The following XPNPEP1 variants were observed in gnomAD, a reference collection of about 807,000 sequenced individuals.
XPNPEP1 encodes xaa-Pro aminopeptidase 1.
In XPNPEP1, 39 loss-of-function variants were observed where a neutral mutation model predicts 92.4. The ratio of observed to expected loss-of-function variants is 0.42; its 90% CI spans 0.33 to 0.55. XPNPEP1 has a LOEUF of 0.55. Among genes scored for constraint, XPNPEP1 ranks in the 20% least tolerant of loss-of-function variants. The pLI is 0.08. For synonymous variants in XPNPEP1, 307 were observed against 299.4 expected, an observed-to-expected ratio of 1.03 and a Z score of -0.26; for missense variants, 654 against 856.1, an observed-to-expected ratio of 0.76 and a Z score of 2.95.
intron 3 of XPNPEP1, among the ~76,000 whole-genome samples, chr10:109,895,400 C>A (rs1848933970): frequency 6.6e-6 from 1 of 152,254 alleles, no homozygotes; most frequent in South Asian, 2.1e-4. Flanking sequence ...ACTTCTCCAT[C>A]AGCAAAGGCA....
At position 109,882,474 on chromosome 10, in the gene XPNPEP1, G is replaced by A. The variant is rs1848154997; in HGVS notation, c.999C>T (p.Val333=). Residue 333 remains valine (V), a synonymous_variant, in exon 10 of 21, where the codon GTC becomes GTT. Coordinates refer to ENST00000502935, the MANE Select transcript of XPNPEP1 (RefSeq NM_020383.4). ...TCACAGCATAGCTGGCCTTGTCACT[G>A]ACCCACACCTTCTCCCTTGGGGAGA... ...ADLSPREKVW[V]SDKASYAVSE... is the part of the protein sequence containing the mutation. 1 of 1,614,164 alleles carries A rather than the reference G, an allele frequency of 6.2e-7. No individual in the cohort carries two copies. The highest frequency in any genetic ancestry group is 8.5e-7 in the Non-Finnish European group (1 of 1,180,004).
At chr10:109,876,304 A>T (rs1280801317) in intron 14 of XPNPEP1, 1 of 152,252 alleles carries the variant, frequency 6.6e-6, no homozygotes, top group Admixed American at 6.5e-5. Context: ...CTGCAGCTGA[A>T]GTGAGGTTGT....
chr10:109,890,545 T>A (rs1403710912), intron 5 of XPNPEP1, among the ~76,000 whole-genome samples: 1 of 148,534 alleles, frequency 6.7e-6, no homozygotes, highest in African/African-American at 2.5e-5. Context: ...TTCAAATGCC[T>A]GCCTTTGTGT....
In XPNPEP1 at chr10:109,875,605, A is replaced by G; in HGVS notation, c.1320-6T>C. On this transcript the variant is annotated splice_polypyrimidine_tract_variant and splice_region_variant and intron_variant, in intron 14 of 20. Coordinates refer to ENST00000502935, the MANE Select transcript of XPNPEP1 (RefSeq NM_020383.4). ...TATTCGTCTCAGGGACTGGCCTAAC[A>G]AAGTTAATTAAAAATTAATTATTCC... is the stretch of plus-strand genomic sequence containing the variant. 1 of 1,613,322 alleles carries G rather than the reference A, an allele frequency of 6.2e-7. No homozygotes were observed. Among genetic ancestry groups the G allele is most frequent in the Non-Finnish European group, 8.5e-7 (1 of 1,179,424 alleles).
chr10:109,869,571 C>T (rs375145757), intron 19 of XPNPEP1, among the ~76,000 whole-genome samples: 12 of 152,278 alleles, frequency 7.9e-5, no homozygotes, highest in Admixed American at 5.9e-4. Flanking sequence ...TGGAAATTAG[C>T]GCCTTGAATA....
intron 16 of XPNPEP1, 87 bp from the exon 17 acceptor site, chr10:109,871,948 C>A: frequency 7.4e-7 from 1 of 1,359,358 alleles, no homozygotes. Flanking sequence ...ATCCTGCCTG[C>A]TAAAGTTTTT....
At chr10:109,883,848 T>G in intron 9 of XPNPEP1, 1 of 483,626 alleles carries the variant, frequency 2.1e-6, no homozygotes. Flanking sequence ...TATAGACACT[T>G]TCATGCGTTT....
chr10:109,877,727 C>T, intron 14 of XPNPEP1, 63 bp downstream of exon 14: 1 of 1,595,728 alleles, frequency 6.3e-7, no homozygotes. Flanking sequence ...AATGTCTCTC[C>T]CCTGCTCAGG....
intron 2 of XPNPEP1, among the ~76,000 whole-genome samples, chr10:109,908,723 A>T (rs1849691574): frequency 6.6e-6 from 1 of 152,266 alleles, no homozygotes; most frequent in Admixed American, 6.5e-5. Context: ...CCAAGTGTTA[A>T]GAGTGGTTAC....
intron 18 of XPNPEP1, 77 bp from the exon 19 acceptor site, chr10:109,870,106 G>A: frequency 2.0e-6 from 3 of 1,486,422 alleles, no homozygotes; most frequent in Non-Finnish European, 2.8e-6. Flanking sequence ...TCACTCCTTG[G>A]ATGACTGCCC....
intron 15 of XPNPEP1, 125 bp from the exon 16 acceptor site, chr10:109,873,552 C>T (rs1847607398): frequency 8.9e-7 from 1 of 1,118,504 alleles, no homozygotes; most frequent in Admixed American, 2.0e-5. Context: ...AATAGCACAG[C>T]CATCTTTGCA....
intron 8 of XPNPEP1, among the ~76,000 whole-genome samples, chr10:109,885,942 C>T (rs1848363702): frequency 6.6e-6 from 1 of 152,182 alleles, no homozygotes; most frequent in African/African-American, 2.4e-5. Context: ...CCTACAGAGG[C>T]TGACAGACAT....
intron 5 of XPNPEP1, among the ~76,000 whole-genome samples, chr10:109,890,593 TGAGAGAGAGAGAGA>T (rs34618002): frequency 1.9e-5 from 2 of 104,064 alleles, no homozygotes; most frequent in East Asian, 3.1e-4. Context: ...TGTGTGTGTG[TGAGAGAGAGAGAGA>T]GAGAGAGAGA....
intron 3 of XPNPEP1, among the ~76,000 whole-genome samples, chr10:109,894,442 G>A (rs950031042): frequency 2.0e-5 from 3 of 151,760 alleles, no homozygotes; most frequent in Non-Finnish European, 4.4e-5. Flanking sequence ...GAGGTGGGAG[G>A]ATAATCTGAG....
At chr10:109,915,271 G>A in intron 1 of XPNPEP1, 172 bp from the exon 2 acceptor site, 3 of 399,430 alleles carry the variant, frequency 7.5e-6, no homozygotes, top group Non-Finnish European at 4.5e-6. Context: ...ACTTGCAGGT[G>A]TAAAACATCC....
Position 109,914,522 on chromosome 10 carries a change from C to T in XPNPEP1, c.121+489G>A, listed in dbSNP as rs569169970. 3.4e-4 allele frequency among the ~76,000 whole-genome samples: 51 copies of T among 152,234 alleles called. 1 individual carries two copies. Among genetic ancestry groups the T allele is most frequent in the Admixed American group, 2.3e-3 (35 of 15,298 alleles). ...TTAAAAAAAAATGGTAATGGCCAGGCGCAGTGGCTCATGCCTGTAATCCCA... is the reference window on the plus strand; with the variant it reads ...TTAAAAAAAAATGGTAATGGCCAGGTGCAGTGGCTCATGCCTGTAATCCCA... On this transcript the variant is annotated intron_variant, in intron 2 of 20. Transcript: ENST00000502935.
rs1847674317 is a variant in XPNPEP1, at chr10:109,874,618, C to T, written c.1391+910G>A. 2.6e-5 allele frequency among the ~76,000 whole-genome samples: 4 copies of T among 152,324 alleles called. No individual in the cohort carries two copies. The South Asian group carries it at 8.3e-4, about 32-fold the overall frequency. On this transcript the variant is annotated intron_variant, in intron 15 of 20. Coordinates refer to ENST00000502935, the MANE Select transcript of XPNPEP1 (RefSeq NM_020383.4). ...TTCAATAATTAGGTCCTCCCTTAGC[C>T]ATAGTCCCAACTTCAGTGGGGAATG... is the stretch of plus-strand genomic sequence containing the variant.
At chr10:109,886,679 G>T (rs1020528760) in intron 7 of XPNPEP1, among the ~76,000 whole-genome samples, 2 of 140,464 alleles carry the variant, frequency 1.4e-5, no homozygotes, top group Non-Finnish European at 3.3e-5. Context: ...GTCTTCATGG[G>T]GCTTACAATA....
chr10:109,893,107 TC>T (rs751110278), intron 3 of XPNPEP1, 32 bp from the exon 4 acceptor site: 2 of 1,602,604 alleles, frequency 1.2e-6, no homozygotes. Context: ...AAAGTGGGCC[TC>T]GATCAGTCAT....
Sources: gnomAD v4.1 joint callset for allele counts (sites outside exome capture counted in the v4.1 genomes callset) on GRCh38, gnomAD v4.1.1 for gene constraint, MANE v1.5 for transcripts, NCBI Gene and HGNC (gene_info 2026-07-23, HGNC 2026-07-21) for gene names.